The following PTPN4 variants were observed in gnomAD, a reference collection of about 807,000 sequenced individuals.
PTPN4 encodes the protein protein tyrosine phosphatase non-receptor type 4.
Under a neutral mutation model 135.5 loss-of-function variants are expected in PTPN4, and 49 were observed. The ratio of observed to expected loss-of-function variants is 0.36; its 90% CI spans 0.29 to 0.46. The LOEUF (loss-of-function observed/expected upper bound fraction) is 0.46. Among genes scored for constraint, PTPN4 ranks in the 20% least tolerant of loss-of-function variants. PTPN4 has a pLI of 1.00. For synonymous variants in PTPN4, 333 were observed against 369.9 expected (o/e 0.90, Z 1.14); for missense variants, 860 against 1,101.0 (o/e 0.78, Z 3.10).
intron 24 of PTPN4, among the ~76,000 whole-genome samples, chr2:119,965,268 A>G (rs1679429419): frequency 6.6e-6 from 1 of 152,094 alleles, no homozygotes; most frequent in Non-Finnish European, 1.5e-5. Context: ...AGTTAAGGGG[A>G]ACTATAATCT....
Position 119,965,587 on chromosome 2 carries a change from G to A in PTPN4, c.2500G>A (p.Val834Ile). 6.2e-7 allele frequency: 1 copy of A among 1,614,040 alleles called. No homozygotes were observed. The highest frequency in any genetic ancestry group is 8.5e-7 in the Non-Finnish European group (1 of 1,179,950). The change falls in exon 25 of 27, where the codon GTT becomes ATT. Residue 834 changes from valine to isoleucine, a missense_variant. Physicochemically the swap from Val to Ile is conservative, Grantham distance 29. Transcript: ENST00000263708. The part of the protein sequence containing the change: ...PDDSSDFLDF[V>I]CHVRNKRAGK... ...TGATTCGAGTGACTTTCTAGATTTT[G>A]TTTGTCATGTACGAAACAAGAGGGC...
chr2:119,976,971 T>C lies in PTPN4; in HGVS notation c.2695-13T>C. The stretch of plus-strand genomic sequence containing the variant: ...TTTCTGATCAGTTCTGTTTTTTATA[T>C]TTTATTTTTCAGAGTCAATACAGAT... On this transcript the variant is annotated splice_polypyrimidine_tract_variant and intron_variant, in intron 26 of 26. Coordinates refer to ENST00000263708, the MANE Select transcript of PTPN4 (RefSeq NM_002830.4). The C allele has an allele frequency of 6.3e-7, 1 of 1,598,538 alleles. No individual in the cohort carries two copies.
At chr2:119,787,718 C>CAA (rs1352534644) in intron 1 of PTPN4, among the ~76,000 whole-genome samples, 1 of 152,114 alleles carries the variant, frequency 6.6e-6, no homozygotes, top group Non-Finnish European at 1.5e-5. Flanking sequence ...AGCAGTGTGG[C>CAA]AATGAGGGGA....
intron 11 of PTPN4, among the ~76,000 whole-genome samples, chr2:119,917,251 G>A (rs1159898996): frequency 6.6e-6 from 1 of 152,146 alleles, no homozygotes; most frequent in Non-Finnish European, 1.5e-5. Context: ...AGTTAAAAAT[G>A]TATTTACCAA....
intron 9 of PTPN4, among the ~76,000 whole-genome samples, chr2:119,899,383 G>GC (rs1452219869): frequency 1.3e-5 from 2 of 152,024 alleles, no homozygotes; most frequent in African/African-American, 2.4e-5. Context: ...TTTCTTTTCT[G>GC]TTTTTTACCT....
chr2:119,775,089 C>G (rs1325773901), intron 1 of PTPN4, among the ~76,000 whole-genome samples: 16 of 126,260 alleles, frequency 1.3e-4, no homozygotes, highest in Non-Finnish European at 6.4e-5. Context: ...TGAAGGTGCC[C>G]TATTCTGAAA....
chr2:119,844,508 C>T (rs1361240838), intron 2 of PTPN4, among the ~76,000 whole-genome samples: 8 of 138,144 alleles, frequency 5.8e-5, no homozygotes, highest in East Asian at 2.2e-4. Context: ...GGGTGGTTGC[C>T]GGGCAGAGGG....
chr2:119,844,956 G>A (rs928954467), intron 2 of PTPN4, among the ~76,000 whole-genome samples: 2 of 150,954 alleles, frequency 1.3e-5, no homozygotes, highest in Non-Finnish European at 3.0e-5. Flanking sequence ...ACTCCAGCCT[G>A]GGCACCATTG....
At chr2:119,951,515 C>A (rs1679210586) in intron 18 of PTPN4, among the ~76,000 whole-genome samples, 1 of 152,220 alleles carries the variant, frequency 6.6e-6, no homozygotes, top group Admixed American at 6.5e-5. Context: ...ACTGATGTGA[C>A]TGGCCACTGA....
At chr2:119,761,028 A>G (rs1574318250) in intron 1 of PTPN4, among the ~76,000 whole-genome samples, 1 of 152,194 alleles carries the variant, frequency 6.6e-6, no homozygotes, top group East Asian at 1.9e-4. Context: ...TGCATCATGT[A>G]GTGACATCAG....
At chr2:119,790,780 T>C (rs965673625) in intron 1 of PTPN4, among the ~76,000 whole-genome samples, 3 of 152,216 alleles carry the variant, frequency 2.0e-5, no homozygotes, top group African/African-American at 7.2e-5. Flanking sequence ...TTGTTTGTTG[T>C]TGTATGTTGA....
At chr2:119,901,115 A>G (rs541002648) in intron 10 of PTPN4, among the ~76,000 whole-genome samples, 163 of 152,348 alleles carry the variant, frequency 1.1e-3, no homozygotes, top group Non-Finnish European at 2.0e-3. Flanking sequence ...TCTAACCAAT[A>G]TGGGTTTTAT....
intron 9 of PTPN4, among the ~76,000 whole-genome samples, chr2:119,899,324 G>A (rs1182576399): frequency 6.6e-6 from 1 of 152,074 alleles, no homozygotes; most frequent in African/African-American, 2.4e-5. Context: ...GTAATTTGCA[G>A]GCCTCTCTTA....
intron 9 of PTPN4, among the ~76,000 whole-genome samples, chr2:119,893,568 G>A (rs1405987620): frequency 6.6e-6 from 1 of 152,140 alleles, no homozygotes; most frequent in Non-Finnish European, 1.5e-5. Context: ...ATCATGAGAT[G>A]AGAGCACTGA....
chr2:119,779,548 C>T (rs1690899214), intron 1 of PTPN4, among the ~76,000 whole-genome samples: 4 of 146,268 alleles, frequency 2.7e-5, no homozygotes, highest in East Asian at 4.1e-4. Flanking sequence ...ACCCGGGAGG[C>T]GGAGCTTGCA....
Position 119,855,048 on chromosome 2 carries a change from T to C in PTPN4, c.139-7488T>C, listed in dbSNP as rs571958223. On this transcript the variant is annotated intron_variant, in intron 2 of 26. Coordinates refer to ENST00000263708, the MANE Select transcript of PTPN4 (RefSeq NM_002830.4). ...ACTTAGAGTTGCTTTCCATCCTTGT[T>C]GTATCATAATGGAAATATTAAGTAC... is the stretch of plus-strand genomic sequence containing the variant. Among the ~76,000 whole-genome samples the C allele has an allele frequency of 3.6e-3, 551 of 152,294 alleles. 3 individuals are homozygous for C. Among genetic ancestry groups the C allele is most frequent in the African/African-American group, 0.013 (529 of 41,560 alleles).
chr2:119,828,523 C>A (rs1469007025), intron 2 of PTPN4, among the ~76,000 whole-genome samples: 1 of 152,162 alleles, frequency 6.6e-6, no homozygotes, highest in Non-Finnish European at 1.5e-5. Context: ...AACAGTCTTA[C>A]AATACATATA....
At chr2:119,813,291 A>G (rs558221656) in intron 2 of PTPN4, among the ~76,000 whole-genome samples, 9 of 149,786 alleles carry the variant, frequency 6.0e-5, no homozygotes, top group Admixed American at 2.0e-4. Context: ...GTTGTTGCCC[A>G]GGCTGGAGTA....
At chr2:119,770,026 G>A (rs1290312509) in intron 1 of PTPN4, among the ~76,000 whole-genome samples, 1 of 152,110 alleles carries the variant, frequency 6.6e-6, no homozygotes, top group Non-Finnish European at 1.5e-5. Flanking sequence ...CGAGTCACTA[G>A]CAATACAATT....
Sources: allele counts gnomAD v4.1 joint callset (sites outside exome capture counted in the v4.1 genomes callset), GRCh38; gene constraint gnomAD v4.1.1; transcripts MANE v1.5; gene names NCBI Gene and HGNC (gene_info 2026-07-23, HGNC 2026-07-21).